The following COMMD9 variants were observed in gnomAD, a reference collection of about 807,000 sequenced individuals.
The protein encoded by COMMD9 is COMM domain containing 9, also known as COMM domain-containing protein 9.
COMMD9 carries 22 observed loss-of-function variants against 23.4 expected under a neutral mutation model. The ratio of observed to expected loss-of-function variants is 0.94; its 90% confidence interval spans 0.67 to 1.34. The LOEUF is 1.34. Among genes scored for constraint, COMMD9 ranks in the 40% most tolerant of loss-of-function variants. The pLI is 0.00. For synonymous variants in COMMD9, 99 were observed against 97.4 expected (o/e 1.02, Z -0.10); for missense variants, 231 against 240.2 (o/e 0.96, Z 0.25).
At chr11:36,276,102 G>T in intron 5 of COMMD9, 35 bp downstream of exon 5, 1 of 1,488,890 alleles carries the variant, frequency 6.7e-7, no homozygotes, top group Non-Finnish European at 9.4e-7. Context: ...TAGGGGTGCT[G>T]CCTCTTCTTT....
intron 1 of COMMD9, among the ~76,000 whole-genome samples, chr11:36,285,582 A>G (rs1235851850): frequency 6.6e-6 from 1 of 152,112 alleles, no homozygotes; most frequent in African/African-American, 2.4e-5. Context: ...CTACAGACCA[A>G]TATCCCTCAT....
At position 36,289,151 on chromosome 11, in the gene COMMD9, A is replaced by T. The variant is rs560338778; in HGVS notation, c.51+211T>A. ...ACTGCGCCTTCATGCCCATTATTTT[A>T]TTTTTTTTTATCTTACGTTCCTGTC... On this transcript the variant is annotated intron_variant, in intron 1 of 5. Transcript: ENST00000263401. Among the ~76,000 whole-genome samples, 31 of 151,402 alleles carry T rather than the reference A, an allele frequency of 2.0e-4. No homozygotes were observed. In the East Asian group the frequency reaches 5.1e-3, roughly 25 times the overall value.
At chr11:36,286,395 C>CAAAAAAAAA (rs138463305) in intron 1 of COMMD9, among the ~76,000 whole-genome samples, 143 of 76,842 alleles carry the variant, frequency 1.9e-3, no homozygotes, top group Non-Finnish European at 2.5e-3. Flanking sequence ...ACTAAAAATA[C>CAAAAAAAAA]AAAAAAAAAA....
intron 1 of COMMD9, among the ~76,000 whole-genome samples, chr11:36,286,395 C>CAA (rs138463305): frequency 0.23 from 17,582 of 75,968 alleles, 1,891 homozygotes; most frequent in Middle Eastern, 0.34. Flanking sequence ...ACTAAAAATA[C>CAA]AAAAAAAAAA....
chr11:36,288,461 T>C (rs1161552521), intron 1 of COMMD9, among the ~76,000 whole-genome samples: 1 of 152,002 alleles, frequency 6.6e-6, no homozygotes, highest in Non-Finnish European at 1.5e-5. Context: ...CGACAAGTTC[T>C]ACGAAGGAAA....
chr11:36,279,474 G>T (rs1466582800), intron 2 of COMMD9, among the ~76,000 whole-genome samples: 1 of 152,178 alleles, frequency 6.6e-6, no homozygotes, highest in East Asian at 1.9e-4. Flanking sequence ...ACACAACCCG[G>T]AAGTGAAGGG....
chr11:36,287,833 C>T (rs946382317), intron 1 of COMMD9, among the ~76,000 whole-genome samples: 3 of 151,938 alleles, frequency 2.0e-5, no homozygotes, highest in African/African-American at 2.4e-5. Context: ...AAAGAAAGGG[C>T]GAAAGGGGGA....
At chr11:36,286,667 A>C (rs1017096869) in intron 1 of COMMD9, among the ~76,000 whole-genome samples, 1 of 152,166 alleles carries the variant, frequency 6.6e-6, no homozygotes, top group Non-Finnish European at 1.5e-5. Context: ...AATGAAATAC[A>C]GGATGTGCAT....
At chr11:36,275,203 A>T (rs1855950077) in intron 5 of COMMD9, among the ~76,000 whole-genome samples, 1 of 152,208 alleles carries the variant, frequency 6.6e-6, no homozygotes, top group South Asian at 2.1e-4. Context: ...AGCTTCACTA[A>T]TATTTAAAAC....
chr11:36,280,160 T>C (rs988839749), intron 2 of COMMD9, among the ~76,000 whole-genome samples: 8 of 152,206 alleles, frequency 5.3e-5, no homozygotes, highest in African/African-American at 1.9e-4. Context: ...AAGTGCTGTT[T>C]TAAAAACATA....
intron 1 of COMMD9, among the ~76,000 whole-genome samples, chr11:36,285,084 G>C (rs770828753): frequency 1.8e-4 from 27 of 152,222 alleles, no homozygotes; most frequent in Non-Finnish European, 2.9e-4. Context: ...CTGGTTCTTT[G>C]ACAATGTCAA....
intron 3 of COMMD9, among the ~76,000 whole-genome samples, chr11:36,277,942 T>TA (rs1479889432): frequency 6.6e-6 from 1 of 152,188 alleles, no homozygotes; most frequent in Non-Finnish European, 1.5e-5. Flanking sequence ...CTTGAACATT[T>TA]AAGGCCAAAC....
intron 2 of COMMD9, among the ~76,000 whole-genome samples, chr11:36,279,736 C>T (rs1856034617): frequency 6.6e-6 from 1 of 152,186 alleles, no homozygotes; most frequent in Non-Finnish European, 1.5e-5. Flanking sequence ...AATAAGTCTC[C>T]AAATCACTTC....
chr11:36,286,410 A>AAG (rs1554981006), intron 1 of COMMD9, among the ~76,000 whole-genome samples: 64 of 104,822 alleles, frequency 6.1e-4, no homozygotes, highest in African/African-American at 1.5e-3. Flanking sequence ...AAAAAAAAAA[A>AAG]AAAGAAAGAA....
chr11:36,288,494 A>T (rs960870564), intron 1 of COMMD9, among the ~76,000 whole-genome samples: 1 of 152,220 alleles, frequency 6.6e-6, no homozygotes, highest in African/African-American at 2.4e-5. Context: ...TTTCTCCTAC[A>T]GGGCAAATCA....
intron 1 of COMMD9, among the ~76,000 whole-genome samples, chr11:36,282,456 A>G (rs1170036639): frequency 6.6e-6 from 1 of 152,180 alleles, no homozygotes; most frequent in African/African-American, 2.4e-5. Context: ...AGCAGATTTC[A>G]TATCAAAAAC....
intron 5 of COMMD9, among the ~76,000 whole-genome samples, chr11:36,275,294 A>C (rs185400037): frequency 1.3e-5 from 2 of 152,340 alleles, no homozygotes; most frequent in East Asian, 3.9e-4. Context: ...ACAGCATTAC[A>C]TTTCTAGTTT....
intron 1 of COMMD9, among the ~76,000 whole-genome samples, chr11:36,286,005 G>A (rs1856145662): frequency 6.6e-6 from 1 of 152,096 alleles, no homozygotes; most frequent in Admixed American, 6.5e-5. Context: ...TCTCCACTCT[G>A]AATCAACACA....
Position 36,274,169 on chromosome 11 carries a change from C to T in COMMD9, c.*463G>A. On this transcript the variant is annotated 3_prime_UTR_variant, in exon 6 of 6. Coordinates refer to ENST00000263401, the MANE Select transcript of COMMD9 (RefSeq NM_014186.4). ...ATGCTCTGTGGGCTCTGCCTGGCTT[C>T]CCTGACAGAGGAGCAGGAACTGCTG... 2 of 435,026 alleles carry T rather than the reference C, an allele frequency of 4.6e-6. No individual in the cohort carries two copies. The highest frequency in any genetic ancestry group is 3.3e-5 in the South Asian group (2 of 60,602). 26.9% of individuals were successfully genotyped at this position (435,026 alleles called of 1,614,324 possible). A position where few individuals can be genotyped will look rare whatever the true frequency, so the allele number is the denominator to read the frequency against.
Sources: gnomAD v4.1 joint callset for allele counts (sites outside exome capture counted in the v4.1 genomes callset) on GRCh38, gnomAD v4.1.1 for gene constraint, MANE v1.5 for transcripts, NCBI Gene and HGNC (gene_info 2026-07-23, HGNC 2026-07-21) for gene names.